The following HECTD4 variants were observed in gnomAD, a reference collection of about 807,000 sequenced individuals.
The protein encoded by HECTD4 is probable E3 ubiquitin-protein ligase HECTD4.
Under a neutral mutation model 471.5 loss-of-function variants are expected in HECTD4, and 114 were observed. The ratio of observed to expected loss-of-function variants is 0.24; its 90% CI spans 0.21 to 0.28. The LOEUF (loss-of-function observed/expected upper bound fraction) is 0.28, where lower values mean the gene tolerates loss of function less well. Among genes scored for constraint, HECTD4 ranks in the 10% least tolerant of loss-of-function variants. The pLI, the probability that HECTD4 is intolerant of heterozygous loss-of-function variation, is 1.00. For synonymous variants in HECTD4, 2,012 were observed against 2,256.0 expected, an observed-to-expected ratio of 0.89 and a Z score of 3.07; for missense variants, 3,866 against 5,651.5, an observed-to-expected ratio of 0.68 and a Z score of 10.13.
chr12:112,338,738 T>C (rs940298499), intron 1 of HECTD4, among the ~76,000 whole-genome samples: 3 of 152,152 alleles, frequency 2.0e-5, no homozygotes, highest in African/African-American at 7.2e-5. Flanking sequence ...GGTGCCAGCA[T>C]CTGCTTGGCT....
At chr12:112,361,579 T>G (rs910544782) in intron 1 of HECTD4, among the ~76,000 whole-genome samples, 4 of 152,260 alleles carry the variant, frequency 2.6e-5, no homozygotes, top group Non-Finnish European at 5.9e-5. Context: ...GGCCCTTATT[T>G]ACCCTTGAAG....
At chr12:112,177,134 T>C (rs895599462) in intron 64 of HECTD4, among the ~76,000 whole-genome samples, 1 of 152,232 alleles carries the variant, frequency 6.6e-6, no homozygotes, top group Non-Finnish European at 1.5e-5. Flanking sequence ...GATACAGCAC[T>C]GATTTCCACC....
chr12:112,324,059 T>C lies in HECTD4; in HGVS notation c.178-4317A>G, dbSNP rs1242985451. On this transcript the variant is annotated intron_variant, in intron 1 of 75. Coordinates refer to ENST00000682272, the MANE Select transcript of HECTD4 (RefSeq NM_001388303.1). ...CTTCCTTCCTTCCTTTCTTTCTTTC[T>C]TTCTTTCTTTCTTTCTTTCTTTCTT... is the stretch of plus-strand genomic sequence containing the variant. Among the ~76,000 whole-genome samples the C allele has an allele frequency of 5.6e-4, 43 of 77,090 alleles. 2 individuals carry two copies. Among genetic ancestry groups the C allele is most frequent in the African/African-American group, 3.7e-3 (41 of 10,994 alleles). 50.6% of individuals were successfully genotyped at this position (77,090 alleles called of 152,430 possible). A position where few individuals can be genotyped will look rare whatever the true frequency, so the allele number is the denominator to read the frequency against.
chr12:112,241,735 T>C (rs117369836), intron 32 of HECTD4, among the ~76,000 whole-genome samples: 6 of 152,260 alleles, frequency 3.9e-5, no homozygotes, highest in East Asian at 1.9e-4. Flanking sequence ...GCTGGGATTA[T>C]AGGTGTGAGA....
intron 7 of HECTD4, among the ~76,000 whole-genome samples, chr12:112,291,222 C>T (rs1034751713): frequency 6.1e-4 from 93 of 152,012 alleles, no homozygotes; most frequent in African/African-American, 1.9e-3. Flanking sequence ...TAGTAATATC[C>T]GCTTACTATC....
Position 112,235,359 on chromosome 12 carries a change from C to T in HECTD4, c.5726-93G>A. 5 of 1,496,406 alleles carry T rather than the reference C, an allele frequency of 3.3e-6. No homozygotes were observed. The highest frequency in any genetic ancestry group is 4.5e-6 in the Non-Finnish European group (5 of 1,108,680). 92.7% of individuals were successfully genotyped at this position (1,496,406 alleles called of 1,614,324 possible). A position where few individuals can be genotyped will look rare whatever the true frequency, so the allele number is the denominator to read the frequency against. On this transcript the variant is annotated intron_variant, in intron 36 of 75. Transcript: ENST00000682272. This position sits in a 1 kb window ranked among gnomAD's most constrained non-coding sequence, Gnocchi z 5.0. ...AAAATAATGGTTTGGGATTTGGAAT[C>T]TTTCTTCCCCCTTCTCTATTCCTGT...
intron 8 of HECTD4, among the ~76,000 whole-genome samples, chr12:112,281,146 T>C (rs2034631680): frequency 6.6e-6 from 1 of 152,142 alleles, no homozygotes; most frequent in Non-Finnish European, 1.5e-5. Context: ...TCTTAGTTTA[T>C]AACTGGTGAA....
rs923100772 is a variant in HECTD4, at chr12:112,166,718, C to T, written c.12534+599G>A. Reference sequence around the variant, plus strand: ...GCCCTCCAACATGAAGGAGACGAGCCTGGACACTCCCTGAGGACAGGGCGA... The same window carrying T: ...GCCCTCCAACATGAAGGAGACGAGCTTGGACACTCCCTGAGGACAGGGCGA... On this transcript the variant is annotated intron_variant, in intron 72 of 75. Transcript: ENST00000682272. The surrounding 1 kb of genome is among the most constrained non-coding windows in gnomAD (Gnocchi z 4.6). 3 of 152,374 alleles carry T rather than the reference C, an allele frequency of 2.0e-5. No homozygotes were observed. Among genetic ancestry groups the T allele is most frequent in the Non-Finnish European group, 4.4e-5 (3 of 68,162 alleles). 9.4% of individuals were successfully genotyped at this position (152,374 alleles called of 1,614,324 possible). A position where few individuals can be genotyped will look rare whatever the true frequency, so the allele number is the denominator to read the frequency against.
chr12:112,332,408 G>A (rs1304697429), intron 1 of HECTD4, among the ~76,000 whole-genome samples: 2 of 151,882 alleles, frequency 1.3e-5, no homozygotes, highest in Admixed American at 6.6e-5. Flanking sequence ...CTGGTGGTAT[G>A]AGCCTGTAAT....
chr12:112,321,508 G>A (rs2035583722), intron 1 of HECTD4, among the ~76,000 whole-genome samples: 1 of 152,192 alleles, frequency 6.6e-6, no homozygotes, highest in Admixed American at 6.5e-5. Context: ...AGACCAGAAA[G>A]TCAGGGTGGG....
In HECTD4 at chr12:112,248,499, G is replaced by C. The variant is rs774308661; in HGVS notation, c.3964C>G (p.Pro1322Ala). ...ACCACCATTTCCTCCATCACGTCTG[G>C]CTGAATCACTTCTCTGTGATCACAA... ...FRPSIKEVIQ[P>A]DVMEEMVVSC... Residue 1322 changes from proline (P) to alanine (A), a missense_variant, in exon 26 of 76, where the codon CCA becomes GCA. Pro to Ala is a conservative substitution (Grantham distance 27, BLOSUM62 -1). Coordinates refer to ENST00000682272, the MANE Select transcript of HECTD4 (RefSeq NM_001388303.1). The C allele has an allele frequency of 1.2e-6, 2 of 1,602,982 alleles. No homozygotes were observed. Among genetic ancestry groups the C allele is most frequent in the South Asian group, 1.1e-5 (1 of 88,964 alleles).
intron 22 of HECTD4, 104 bp from the exon 23 acceptor site, chr12:112,252,632 A>G (rs768051944): frequency 1.5e-5 from 19 of 1,259,488 alleles, no homozygotes; most frequent in Non-Finnish European, 2.1e-5. Flanking sequence ...GACCACAGCA[A>G]TATTTCACTC....
intron 8 of HECTD4, among the ~76,000 whole-genome samples, chr12:112,281,000 AGGCT>A (rs1349180340): frequency 6.6e-6 from 1 of 152,068 alleles, no homozygotes; most frequent in Non-Finnish European, 1.5e-5. Context: ...CATGTTGGCC[AGGCT>A]GGTCTTGAAC....
intron 1 of HECTD4, among the ~76,000 whole-genome samples, chr12:112,355,287 CAAAAAAA>C (rs1310033896): frequency 7.2e-5 from 8 of 111,424 alleles, no homozygotes; most frequent in Admixed American, 2.0e-4. Flanking sequence ...AAATGGGATT[CAAAAAAA>C]AAAAAAAAAA....
intron 70 of HECTD4, among the ~76,000 whole-genome samples, chr12:112,169,286 C>T (rs2031114634): frequency 6.6e-6 from 1 of 152,232 alleles, no homozygotes; most frequent in African/African-American, 2.4e-5. Flanking sequence ...GCAGAGGTGC[C>T]GTCCCCAAGC....
At chr12:112,309,498 A>G in intron 5 of HECTD4, 63 bp downstream of exon 5, 1 of 746,274 alleles carries the variant, frequency 1.3e-6, no homozygotes, top group Non-Finnish European at 2.3e-6. Context: ...TGTCTTCTTC[A>G]GAGATTTATG....
chr12:112,244,355 CTTTTT>C (rs2033709808), intron 29 of HECTD4, among the ~76,000 whole-genome samples: 1 of 151,892 alleles, frequency 6.6e-6, no homozygotes, highest in African/African-American at 2.4e-5. Context: ...TCACAAATTT[CTTTTT>C]TTTAATTTTT....
rs1318518612 is a variant in HECTD4 at position 112,249,211 on chromosome 12, G to A, written c.3951-699C>T. Among the ~76,000 whole-genome samples the A allele has an allele frequency of 2.6e-5, 4 of 152,046 alleles. 1 individual carries two copies. The highest frequency in any genetic ancestry group is 2.6e-4 in the Admixed American group (4 of 15,270). ...CTCTACTAAAAACACAAAATTAGCC[G>A]GGTGTGGTGGCATGTGCCTGTAATC... On this transcript the variant is annotated intron_variant, in intron 25 of 75. Transcript: ENST00000682272.
At chr12:112,178,747 G>A (rs542650738) in intron 64 of HECTD4, among the ~76,000 whole-genome samples, 184 bp downstream of exon 64, 29 of 152,346 alleles carry the variant, frequency 1.9e-4, no homozygotes, top group Admixed American at 1.8e-3. Flanking sequence ...TGGGAGGATC[G>A]CTTGAGCCCG....
Sources: gnomAD v4.1 joint callset for allele counts (sites outside exome capture counted in the v4.1 genomes callset) on GRCh38, gnomAD v4.1.1 for gene constraint, Gnocchi (gnomAD v3.1) non-coding constraint, MANE v1.5 for transcripts, NCBI Gene and HGNC (gene_info 2026-07-23, HGNC 2026-07-21) for gene names.